DNAH8: variants seen among roughly 807,000 people sequenced by gnomAD.
DNAH8 encodes dynein axonemal heavy chain 8.
DNAH8 carries 382 observed loss-of-function variants against 562.1 expected under a neutral mutation model. The ratio of observed to expected loss-of-function variants is 0.68; its 90% CI spans 0.63 to 0.74. DNAH8 has a LOEUF of 0.74. Among genes scored for constraint, DNAH8 ranks in the 30% least tolerant of loss-of-function variants. DNAH8 has a pLI of 0.00. For synonymous variants in DNAH8, 1,881 were observed against 1,919.4 expected (o/e 0.98, Z 0.52); for missense variants, 5,203 against 5,620.4 (o/e 0.93, Z 2.37).
At chr6:38,817,312 C>T (rs962290803) in intron 26 of DNAH8, among the ~76,000 whole-genome samples, 1 of 152,170 alleles carries the variant, frequency 6.6e-6, no homozygotes, top group Non-Finnish European at 1.5e-5. Context: ...CACTGCACTA[C>T]AGCCAGAGCA....
chr6:38,795,019 C>T (rs1770096510), intron 21 of DNAH8, among the ~76,000 whole-genome samples: 2 of 152,186 alleles, frequency 1.3e-5, no homozygotes, highest in South Asian at 4.1e-4. Flanking sequence ...TCACGCATTA[C>T]ATTTGATTGA....
At chr6:38,764,364 T>A (rs888766932) in intron 11 of DNAH8, 1 of 153,226 alleles carries the variant, frequency 6.5e-6, no homozygotes, top group South Asian at 2.1e-4. Context: ...AAATTCAATA[T>A]GGGAAGTTAT....
At chr6:38,851,529 GA>G (rs146186564) in intron 38 of DNAH8, 42 bp from the exon 39 acceptor site, 17,416 of 1,272,658 alleles carry the variant, frequency 0.014, 820 homozygotes, top group East Asian at 0.13. Flanking sequence ...TAATTTAGGG[GA>G]AAAAAAACCA....
intron 5 of DNAH8, among the ~76,000 whole-genome samples, chr6:38,735,280 G>A (rs971850221): frequency 8.5e-5 from 13 of 152,168 alleles, no homozygotes; most frequent in East Asian, 5.8e-4. Context: ...TATTCTTAGA[G>A]AGTCTTAATA....
rs1168487014 is a variant in DNAH8, at chr6:38,779,968, T to C, written c.2042T>C (p.Phe681Ser). The change falls in exon 15 of 93, where the codon TTT (phenylalanine) becomes TCT (serine). Residue 681 changes from phenylalanine to serine, a missense_variant and splice_region_variant. Physicochemically the swap from Phe to Ser is radical, Grantham distance 155. Coordinates refer to ENST00000327475, the MANE Select transcript of DNAH8 (RefSeq NM_001206927.2). ...CATTCAGCTTTGATTACTTTTAGGT[T>C]TCAGAAGCTGAACATTCCCTGTCTG... ...SQQALQLLQR[F>S]QKLNIPCLGL... is the part of the protein sequence containing the mutation. The C allele has an allele frequency of 6.2e-7, 1 of 1,613,762 alleles. No individual in the cohort carries two copies.
chr6:38,804,649 A>C (rs1277871034), intron 22 of DNAH8, among the ~76,000 whole-genome samples: 1 of 152,000 alleles, frequency 6.6e-6, no homozygotes, highest in Admixed American at 6.6e-5. Context: ...GGATGAAGTT[A>C]ATTAGCTAAT....
intron 38 of DNAH8, among the ~76,000 whole-genome samples, chr6:38,850,968 G>A (rs73424162): frequency 0.025 from 3,734 of 152,238 alleles, 153 homozygotes; most frequent in African/African-American, 0.084. Context: ...CAGGGAATAG[G>A]ACCTGGACAT....
intron 11 of DNAH8, chr6:38,764,632 T>C (rs927025688): frequency 6.6e-6 from 1 of 152,198 alleles, no homozygotes; most frequent in Non-Finnish European, 1.5e-5. Flanking sequence ...AAGGAAGTTG[T>C]TGAGGTGGTA....
intron 56 of DNAH8, among the ~76,000 whole-genome samples, chr6:38,886,511 C>G (rs1778934681): frequency 1.3e-5 from 2 of 152,088 alleles, no homozygotes; most frequent in African/African-American, 4.8e-5. Context: ...TGTAATTTAA[C>G]CAAATATCTT....
intron 61 of DNAH8, 55 bp downstream of exon 61, chr6:38,898,435 A>G: frequency 2.1e-6 from 3 of 1,422,944 alleles, no homozygotes; most frequent in Non-Finnish European, 2.8e-6. Flanking sequence ...AGCTTCGTAT[A>G]TTTCATAGAT....
chr6:38,863,994 A>G lies in DNAH8; in HGVS notation c.6432A>G (p.Lys2144=). 1 of 1,611,616 alleles carries G rather than the reference A, an allele frequency of 6.2e-7. No homozygotes were observed. The highest frequency in any genetic ancestry group is 8.5e-7 in the Non-Finnish European group (1 of 1,179,536). Residue 2144 remains lysine, a synonymous_variant, in exon 45 of 93, where the codon AAA becomes AAG. Coordinates refer to ENST00000327475, the MANE Select transcript of DNAH8 (RefSeq NM_001206927.2). The part of the protein sequence containing the change: ...IVLTARKERK[K]QFIFSDGDCV... ...TGACAGCAAGAAAAGAAAGAAAGAAACAGTTCATTTTTTCTGATGGTGATT... is the reference window on the plus strand; with the variant it reads ...TGACAGCAAGAAAAGAAAGAAAGAAGCAGTTCATTTTTTCTGATGGTGATT...
intron 32 of DNAH8, among the ~76,000 whole-genome samples, chr6:38,836,514 C>G (rs1774314498): frequency 8.5e-6 from 1 of 118,126 alleles, no homozygotes; most frequent in Non-Finnish European, 1.9e-5. Context: ...AAAAAACCAT[C>G]TCAAAAAAAA....
Position 38,875,747 on chromosome 6 carries a change from C to T in DNAH8, c.7777C>T (p.Gln2593Ter). ...AGAAAAGCTTGAAGCCTTCTTACGG[C>T]AGCATGAAAGCAAGTTGGACTTACC... Reference protein sequence around the residue: ...SREKLEAFLRQHESKLDLPEI... With the variant: ...SREKLEAFLR The change falls in exon 53 of 93, where the codon CAG becomes TAG. Residue 2593 changes from glutamine to a stop codon, truncating the protein, a stop_gained. Coordinates refer to ENST00000327475, the MANE Select transcript of DNAH8 (RefSeq NM_001206927.2). LOFTEE classifies it high-confidence loss of function. The T allele has an allele frequency of 6.2e-7, 1 of 1,613,886 alleles. No homozygotes were observed. Among genetic ancestry groups the T allele is most frequent in the Non-Finnish European group, 8.5e-7 (1 of 1,179,926 alleles).
chr6:38,847,915 G>A (rs949869562), intron 36 of DNAH8, among the ~76,000 whole-genome samples: 10 of 152,138 alleles, frequency 6.6e-5, no homozygotes, highest in Non-Finnish European at 8.8e-5. Flanking sequence ...AGCAAGCCCT[G>A]ATGATCAGAA....
intron 8 of DNAH8, among the ~76,000 whole-genome samples, chr6:38,744,920 T>C (rs1002944315): frequency 6.6e-6 from 1 of 152,176 alleles, no homozygotes; most frequent in Admixed American, 6.5e-5. Flanking sequence ...TTATATAATA[T>C]GGATATTAAT....
chr6:38,798,765 T>G (rs9380778), intron 21 of DNAH8, among the ~76,000 whole-genome samples: 19,657 of 152,016 alleles, frequency 0.13, 1,575 homozygotes, highest in East Asian at 0.39. Context: ...AGGGTTGGAG[T>G]TGAGGCACAG....
chr6:38,771,407 A>G (rs1379516736), intron 12 of DNAH8, among the ~76,000 whole-genome samples: 1 of 152,202 alleles, frequency 6.6e-6, no homozygotes. Flanking sequence ...CATAATTAAT[A>G]TACTATTTAC....
At position 38,778,419 on chromosome 6, in the gene DNAH8, T is replaced by C; in HGVS notation, c.1994T>C (p.Phe665Ser). 6.3e-7 allele frequency: 1 copy of C among 1,592,380 alleles called. No homozygotes were observed. Among genetic ancestry groups the C allele is most frequent in the Non-Finnish European group, 8.6e-7 (1 of 1,161,862 alleles). Residue 665 changes from phenylalanine (F) to serine (S), a missense_variant, in exon 14 of 93, where the codon TTT becomes TCT. Coordinates refer to ENST00000327475, the MANE Select transcript of DNAH8 (RefSeq NM_001206927.2). ...ATACAGGCATTTATGAACAGTAGTT[T>C]TGGGAAAATCTTATCTTCTCAGCAG... Reference protein sequence around the residue: ...VQIQAFMNSSFGKILSSQQAL... With the variant: ...VQIQAFMNSSSGKILSSQQAL...
chr6:38,950,106 CCT>C (rs1447137478), intron 81 of DNAH8, among the ~76,000 whole-genome samples: 1 of 151,694 alleles, frequency 6.6e-6, no homozygotes, highest in Non-Finnish European at 1.5e-5. Flanking sequence ...AGAAAATCGC[CCT>C]CTCTTTTCAC....
Sources: allele counts gnomAD v4.1 joint callset (sites outside exome capture counted in the v4.1 genomes callset), GRCh38; gene constraint gnomAD v4.1.1; transcripts MANE v1.5; gene names NCBI Gene and HGNC (gene_info 2026-07-23, HGNC 2026-07-21).